The following PBX4 variants were observed in gnomAD, a reference collection of about 807,000 sequenced individuals.
PBX4 encodes the protein PBX homeobox 4.
Under a neutral mutation model 35.1 loss-of-function variants are expected in PBX4, and 26 were observed. The observed-to-expected ratio is 0.74, with a 90% CI of 0.54 to 1.03. The LOEUF (loss-of-function observed/expected upper bound fraction) is 1.03. PBX4 is among the 50% of genes least tolerant of loss of function. The pLI, the probability that PBX4 is intolerant of heterozygous loss-of-function variation, is 0.00. For synonymous variants in PBX4, 199 were observed against 204.2 expected (o/e 0.97, Z 0.22); for missense variants, 448 against 504.3 (o/e 0.89, Z 1.07).
intron 1 of PBX4, among the ~76,000 whole-genome samples, chr19:19,616,123 T>C (rs2061687653): frequency 6.6e-6 from 1 of 152,096 alleles, no homozygotes; most frequent in Non-Finnish European, 1.5e-5. Flanking sequence ...ACTTCAGTCC[T>C]TTCCTTTCCT....
At chr19:19,616,284 A>G (rs947074965) in intron 1 of PBX4, among the ~76,000 whole-genome samples, 1 of 152,186 alleles carries the variant, frequency 6.6e-6, no homozygotes, top group Non-Finnish European at 1.5e-5. Context: ...CAACTGGAAT[A>G]AATAGTCCGA....
In PBX4 at chr19:19,562,284, G is replaced by A. The variant is rs1330833490; in HGVS notation, c.1033-167C>T. 1.3e-5 allele frequency among the ~76,000 whole-genome samples: 2 copies of A among 152,228 alleles called. No homozygotes were observed. The highest frequency in any genetic ancestry group is 2.9e-5 in the Non-Finnish European group (2 of 68,042). Reference sequence around the variant, plus strand: ...GGGAAGGGATGGAGGGGTCGGTCCTGGGTCACAGCTGGCCTTGCCACCTGA... The same window carrying A: ...GGGAAGGGATGGAGGGGTCGGTCCTAGGTCACAGCTGGCCTTGCCACCTGA... On this transcript the variant is annotated intron_variant, in intron 7 of 7. Coordinates refer to ENST00000251203, the MANE Select transcript of PBX4 (RefSeq NM_025245.3). This position sits in a 1 kb window ranked among gnomAD's most constrained non-coding sequence, Gnocchi z 4.8.
At chr19:19,574,208 A>C (rs1190121073) in intron 2 of PBX4, among the ~76,000 whole-genome samples, 1 of 152,188 alleles carries the variant, frequency 6.6e-6, no homozygotes. Context: ...CAAGTCTATG[A>C]AAAATCATCA....
chr19:19,589,939 T>A (rs539771204), intron 2 of PBX4, among the ~76,000 whole-genome samples: 166 of 152,220 alleles, frequency 1.1e-3, no homozygotes, highest in Non-Finnish European at 2.2e-3. Flanking sequence ...TTTCCGTCAG[T>A]GGTTAAGCCC....
intron 1 of PBX4, among the ~76,000 whole-genome samples, chr19:19,603,834 G>A (rs1023227652): frequency 4.0e-5 from 6 of 151,566 alleles, no homozygotes; most frequent in Non-Finnish European, 2.9e-5. Context: ...GCATGTGCCT[G>A]TAATCCCAGC....
chr19:19,587,965 A>C (rs980856062), intron 2 of PBX4: 10 of 434,224 alleles, frequency 2.3e-5, no homozygotes, highest in African/African-American at 6.1e-5. Context: ...CTGCCAGTAC[A>C]CCAGCAGGCA....
At chr19:19,588,119 T>C (rs2061502331) in intron 2 of PBX4, 3 of 1,039,114 alleles carry the variant, frequency 2.9e-6, no homozygotes, top group East Asian at 2.5e-5. Context: ...ATTTTTTGCG[T>C]TCATAGAAGA....
intron 2 of PBX4, among the ~76,000 whole-genome samples, chr19:19,593,100 G>A (rs1213946245): frequency 3.3e-5 from 5 of 152,168 alleles, no homozygotes; most frequent in Middle Eastern, 3.2e-3. Context: ...AATCTTTGCC[G>A]TTGTTGTTGT....
At chr19:19,577,827 C>G (rs111792649) in intron 2 of PBX4, among the ~76,000 whole-genome samples, 6,894 of 151,096 alleles carry the variant, frequency 0.046, 545 homozygotes, top group African/African-American at 0.16. Flanking sequence ...CCAGTGCACT[C>G]CAGCCTGGCG....
chr19:19,588,723 C>CCTAG (rs2061506951), intron 2 of PBX4, among the ~76,000 whole-genome samples: 1 of 152,128 alleles, frequency 6.6e-6, no homozygotes, highest in Admixed American at 6.5e-5. Context: ...AGGTAACCAG[C>CCTAG]CTAGCAACAT....
At chr19:19,570,385 G>GCCA in intron 3 of PBX4, 86 bp from the exon 4 acceptor site, 1 of 1,476,072 alleles carries the variant, frequency 6.8e-7, no homozygotes, top group South Asian at 1.3e-5. Context: ...GCAGCCGCCT[G>GCCA]CCACCCCCTG....
rs529408517 is a variant in PBX4 at position 19,576,145 on chromosome 19, T to C, written c.194-5312A>G. 4.1e-3 allele frequency among the ~76,000 whole-genome samples: 622 copies of C among 152,312 alleles called. 9 individuals are homozygous for C. Among genetic ancestry groups the C allele is most frequent in the African/African-American group, 0.014 (584 of 41,562 alleles). ...TGGCTTATATCTATAATCCCAGCAC[T>C]TTGGGAGGCTGAGGTGGTAGGACTG... On this transcript the variant is annotated intron_variant, in intron 2 of 7. Transcript: ENST00000251203.
At chr19:19,605,056 A>C (rs1011268682) in intron 1 of PBX4, among the ~76,000 whole-genome samples, 3 of 151,932 alleles carry the variant, frequency 2.0e-5, no homozygotes, top group Non-Finnish European at 4.4e-5. Flanking sequence ...TTCTCTTTAA[A>C]AAAAATATAT....
chr19:19,589,473 GA>G (rs775462516), intron 2 of PBX4, among the ~76,000 whole-genome samples: 7 of 150,748 alleles, frequency 4.6e-5, no homozygotes, highest in African/African-American at 1.5e-4. Flanking sequence ...GAAAAAGAAA[GA>G]AAAAAAAGTT....
At chr19:19,582,689 G>T (rs1374745287) in intron 2 of PBX4, among the ~76,000 whole-genome samples, 1 of 152,222 alleles carries the variant, frequency 6.6e-6, no homozygotes, top group Non-Finnish European at 1.5e-5. Context: ...CTTTGTCCTT[G>T]AGATAGGGCA....
At chr19:19,576,259 C>G (rs2061419045) in intron 2 of PBX4, among the ~76,000 whole-genome samples, 2 of 152,058 alleles carry the variant, frequency 1.3e-5, no homozygotes, top group African/African-American at 4.8e-5. Context: ...CGAAGTCTCG[C>G]TCTGTTGCCA....
chr19:19,577,274 T>C (rs1057420571), intron 2 of PBX4, among the ~76,000 whole-genome samples: 5 of 152,140 alleles, frequency 3.3e-5, no homozygotes, highest in African/African-American at 1.2e-4. Context: ...GTATGCATTG[T>C]ACAGCATTTC....
At chr19:19,567,913 G>C (rs1289961682) in intron 5 of PBX4, among the ~76,000 whole-genome samples, 1 of 150,042 alleles carries the variant, frequency 6.7e-6, no homozygotes, top group Non-Finnish European at 1.5e-5. Context: ...CACCCCACCT[G>C]TATCCCTCAG....
intron 1 of PBX4, among the ~76,000 whole-genome samples, chr19:19,603,910 C>T (rs183611308): frequency 1.4e-5 from 2 of 140,520 alleles, no homozygotes; most frequent in African/African-American, 2.7e-5. Flanking sequence ...TGCAGTGAGC[C>T]GAGAACACGC....
Sources: allele counts gnomAD v4.1 joint callset (sites outside exome capture counted in the v4.1 genomes callset), GRCh38; gene constraint gnomAD v4.1.1; non-coding constraint Gnocchi (gnomAD v3.1); transcripts MANE v1.5; gene names NCBI Gene and HGNC (gene_info 2026-07-23, HGNC 2026-07-21).